Variants in AGMO observed in about 807,000 individuals in gnomAD.
AGMO encodes the protein glyceryl-ether monooxygenase.
A neutral mutation model predicts 60.2 loss-of-function variants in AGMO; 75 were observed. That is an observed-to-expected ratio of 1.25 (90% CI 1.03 to 1.51). The LOEUF (loss-of-function observed/expected upper bound fraction) is 1.51, where lower values mean the gene tolerates loss of function less well. Ranked by LOEUF, AGMO falls within the 40% of genes most tolerant of loss-of-function variation. The pLI, the probability that AGMO is intolerant of heterozygous loss-of-function variation, is 0.00. For synonymous variants in AGMO, 261 were observed against 177.1 expected (o/e 1.47, Z -3.76); for missense variants, 763 against 525.5 (o/e 1.45, Z -4.42).
At chr7:15,385,615 C>G in intron 9 of AGMO, 53 bp from the exon 10 acceptor site, 1 of 979,178 alleles carries the variant, frequency 1.0e-6, no homozygotes, top group Non-Finnish European at 1.6e-6. Flanking sequence ...ATTTTTCTTA[C>G]TGAAATTCAC....
rs1180960859 is a variant in AGMO at position 15,231,319 on chromosome 7, C to CTA, written c.1264-29961_1264-29960insTA. ...GTTTGACAATCAAAACTTATGAATA[C>CTA]GATAGTTTGATGGACTCTGCTTCTA... On this transcript the variant is annotated intron_variant, in intron 12 of 12. Transcript: ENST00000342526. Among the ~76,000 whole-genome samples the CTA allele has an allele frequency of 4.6e-5, 7 of 152,184 alleles. No homozygotes were observed. In the East Asian group the frequency reaches 1.4e-3, roughly 29 times the overall value.
chr7:15,298,751 A>C (rs1784473301), intron 12 of AGMO, among the ~76,000 whole-genome samples: 1 of 152,090 alleles, frequency 6.6e-6, no homozygotes, highest in African/African-American at 2.4e-5. Flanking sequence ...ATAGCCTATT[A>C]ATTGTCATAC....
chr7:15,220,165 C>T (rs1413887285), intron 12 of AGMO, among the ~76,000 whole-genome samples: 2 of 149,004 alleles, frequency 1.3e-5, no homozygotes, highest in Non-Finnish European at 3.0e-5. Flanking sequence ...ATACTGACTG[C>T]TATAATGGCA....
chr7:15,126,458 T>C, the AGMO span, among the ~76,000 whole-genome samples: 1 of 152,096 alleles, frequency 6.6e-6, no homozygotes, highest in Non-Finnish European at 1.5e-5. Flanking sequence ...AAATAAAGAA[T>C]GTGTACTCCT....
chr7:15,486,910 G>A (rs1450920183), intron 3 of AGMO, among the ~76,000 whole-genome samples: 2 of 152,126 alleles, frequency 1.3e-5, no homozygotes, highest in African/African-American at 4.8e-5. Context: ...ACAAAACAAA[G>A]AACCACTAAG....
At chr7:15,464,757 C>T (rs182952793) in intron 3 of AGMO, among the ~76,000 whole-genome samples, 206 of 152,278 alleles carry the variant, frequency 1.4e-3, no homozygotes, top group African/African-American at 4.7e-3. Flanking sequence ...CACAGGCTTT[C>T]TTCCTAAAAA....
At chr7:15,404,560 T>A (rs1237396730) in intron 5 of AGMO, among the ~76,000 whole-genome samples, 5 of 151,894 alleles carry the variant, frequency 3.3e-5, no homozygotes, top group Non-Finnish European at 7.4e-5. Context: ...CATTTTATAT[T>A]TACAGGTTTA....
intron 5 of AGMO, among the ~76,000 whole-genome samples, 175 bp from the exon 6 acceptor site, chr7:15,394,354 A>C (rs1014505304): frequency 2.6e-5 from 4 of 152,198 alleles, no homozygotes; most frequent in African/African-American, 7.2e-5. Context: ...AGACAATAGT[A>C]ATCTCAAAAC....
At chr7:15,294,573 AAAT>A (rs1784360488) in intron 12 of AGMO, among the ~76,000 whole-genome samples, 1 of 152,000 alleles carries the variant, frequency 6.6e-6, no homozygotes, top group African/African-American at 2.4e-5. Context: ...AAAGGTCTTA[AAAT>A]AATACTACAA....
chr7:15,144,789 G>A, the AGMO span, among the ~76,000 whole-genome samples: 4 of 152,230 alleles, frequency 2.6e-5, no homozygotes, highest in African/African-American at 9.6e-5. Flanking sequence ...GATTTCCAGT[G>A]GAGGCAGAAC....
At chr7:15,326,313 C>G (rs980057986) in intron 12 of AGMO, among the ~76,000 whole-genome samples, 1 of 152,084 alleles carries the variant, frequency 6.6e-6, no homozygotes, top group African/African-American at 2.4e-5. Context: ...GACATATAAT[C>G]AGTTTAACCT....
chr7:15,387,900 TTC>T (rs201419593), intron 8 of AGMO, among the ~76,000 whole-genome samples: 2 of 125,290 alleles, frequency 1.6e-5, no homozygotes, highest in Non-Finnish European at 3.1e-5. Context: ...TAATGACACA[TTC>T]TCTTTTTTTT....
intron 3 of AGMO, among the ~76,000 whole-genome samples, chr7:15,491,596 C>A (rs1350153263): frequency 1.3e-5 from 2 of 152,122 alleles, no homozygotes; most frequent in African/African-American, 4.8e-5. Flanking sequence ...AATAAATCAC[C>A]ATGTCCTATG....
chr7:15,561,395 CT>C (rs1284742489), intron 1 of AGMO, among the ~76,000 whole-genome samples: 2 of 152,192 alleles, frequency 1.3e-5, no homozygotes, highest in African/African-American at 4.8e-5. Context: ...ACAAAGTTTA[CT>C]GATGTGGTGT....
chr7:15,217,915 G>A (rs547009388), intron 12 of AGMO, among the ~76,000 whole-genome samples: 78 of 151,880 alleles, frequency 5.1e-4, no homozygotes, highest in African/African-American at 1.5e-3. Flanking sequence ...CTTTATTTTC[G>A]ATTCAGGGGT....
At chr7:15,382,082 G>C (rs778968338) in intron 10 of AGMO, among the ~76,000 whole-genome samples, 15 of 152,170 alleles carry the variant, frequency 9.9e-5, no homozygotes, top group African/African-American at 2.4e-4. Context: ...TTAATACCTA[G>C]ATGATAAAAT....
At chr7:15,155,290 G>A in the AGMO span, among the ~76,000 whole-genome samples, 2 of 151,854 alleles carry the variant, frequency 1.3e-5, no homozygotes, top group African/African-American at 4.8e-5. Context: ...AGGTTTTGCT[G>A]CATTAAAAAA....
chr7:15,317,864 CACACGTATATATATAT>C (rs1274208267), intron 12 of AGMO, among the ~76,000 whole-genome samples: 1 of 150,090 alleles, frequency 6.7e-6, no homozygotes, highest in Admixed American at 6.7e-5. Context: ...TACACACACA[CACACGTATATATATAT>C]ACACACGTAT....
At chr7:15,504,673 A>C (rs1783465684) in intron 3 of AGMO, among the ~76,000 whole-genome samples, 1 of 151,918 alleles carries the variant, frequency 6.6e-6, no homozygotes, top group African/African-American at 2.4e-5. Flanking sequence ...GTAAGTTTTA[A>C]ATAGATAACA....
Sources: allele counts gnomAD v4.1 joint callset (sites outside exome capture counted in the v4.1 genomes callset), GRCh38; gene constraint gnomAD v4.1.1; transcripts MANE v1.5; gene names NCBI Gene and HGNC (gene_info 2026-07-23, HGNC 2026-07-21).